The following PTGER4 variants were observed in gnomAD, a reference collection of about 807,000 sequenced individuals.
PTGER4 encodes prostaglandin E receptor 4, also known as prostaglandin E2 receptor EP4 subtype.
PTGER4 carries 11 observed loss-of-function variants against 33.2 expected under a neutral mutation model. The ratio of observed to expected loss-of-function variants is 0.33; its 90% CI spans 0.21 to 0.55. The LOEUF is 0.55. Ranked by LOEUF, PTGER4 falls within the 20% of genes least tolerant of loss-of-function variation. The pLI is 0.92. For synonymous variants in PTGER4, 275 were observed against 281.5 expected (o/e 0.98, Z 0.23); for missense variants, 481 against 650.2 (o/e 0.74, Z 2.83).
chr5:40,692,493 A>C lies in PTGER4; in HGVS notation c.*115A>C. 1 of 1,483,318 alleles carries C rather than the reference A, an allele frequency of 6.7e-7. No homozygotes were observed. The highest frequency in any genetic ancestry group is 8.9e-7 in the Non-Finnish European group (1 of 1,124,894). 91.9% of individuals were successfully genotyped at this position (1,483,318 alleles called of 1,614,324 possible). A position where few individuals can be genotyped will look rare whatever the true frequency, so the allele number is the denominator to read the frequency against. The stretch of plus-strand genomic sequence containing the variant: ...AAGGGCTATCATCATCCTACAACTC[A>C]CATTAGAGAACATCCTGGCTTTTGA... On this transcript the variant is annotated 3_prime_UTR_variant, in exon 3 of 3. Coordinates refer to ENST00000302472, the MANE Select transcript of PTGER4 (RefSeq NM_000958.3).
At chr5:40,722,717 C>G in the PTGER4 span, among the ~76,000 whole-genome samples, 38 of 151,648 alleles carry the variant, frequency 2.5e-4, no homozygotes, top group Non-Finnish European at 4.9e-4. Context: ...CGGCCAGCGC[C>G]CCGTCCGGGA....
the PTGER4 span, among the ~76,000 whole-genome samples, chr5:40,733,392 C>A: frequency 6.6e-6 from 1 of 152,064 alleles, no homozygotes; most frequent in Non-Finnish European, 1.5e-5. Flanking sequence ...CCAAAATAAG[C>A]CATAAACAAT....
At chr5:40,700,471 C>T in the PTGER4 span, among the ~76,000 whole-genome samples, 26 of 152,334 alleles carry the variant, frequency 1.7e-4, no homozygotes, top group African/African-American at 4.1e-4. Flanking sequence ...CAAGTGCAGT[C>T]GACCCAAGGA....
chr5:40,723,114 C>T, the PTGER4 span, among the ~76,000 whole-genome samples: 1 of 152,186 alleles, frequency 6.6e-6, no homozygotes, highest in Non-Finnish European at 1.5e-5. Context: ...CCTTGGGATG[C>T]TGTTAATCTA....
Position 40,681,979 on chromosome 5 carries a change from G to A in PTGER4, c.867+119G>A. 7.8e-7 allele frequency: 1 copy of A among 1,284,866 alleles called. No homozygotes were observed. The highest frequency in any genetic ancestry group is 1.0e-6 in the Non-Finnish European group (1 of 968,022). The allele number at this position is 1,284,866 out of a possible 1,614,324, so 79.6% of individuals were successfully genotyped here. ...GCAGTGAACGTGTCGCCTTTAGGTCGGGGCTGGGATTCCCACACTGTTTCT... is the reference window on the plus strand; with the variant it reads ...GCAGTGAACGTGTCGCCTTTAGGTCAGGGCTGGGATTCCCACACTGTTTCT... On this transcript the variant is annotated intron_variant, in intron 2 of 2. Transcript: ENST00000302472. This position sits in a 1 kb window ranked among gnomAD's most constrained non-coding sequence, Gnocchi z 9.8.
downstream of PTGER4, among the ~76,000 whole-genome samples, chr5:40,696,444 T>C (rs1357957755): frequency 7.2e-5 from 11 of 152,100 alleles, no homozygotes; most frequent in African/African-American, 2.7e-4. Flanking sequence ...ACATGAGAAA[T>C]AGAACCCAAA....
At chr5:40,742,078 T>C in the PTGER4 span, among the ~76,000 whole-genome samples, 3 of 152,196 alleles carry the variant, frequency 2.0e-5, no homozygotes, top group Non-Finnish European at 4.4e-5. Context: ...CTATGCTGAC[T>C]ACTGTCCAAT....
the PTGER4 span, chr5:40,728,225 C>T: frequency 9.2e-6 from 7 of 764,602 alleles, no homozygotes; most frequent in East Asian, 6.6e-5. Context: ...CGGAGGTTGC[C>T]GTGAGCTGAG....
chr5:40,699,210 G>A, the PTGER4 span, among the ~76,000 whole-genome samples: 3 of 151,342 alleles, frequency 2.0e-5, no homozygotes, highest in Admixed American at 1.3e-4. Flanking sequence ...AAAAAAAGAG[G>A]AATGGGAAGT....
chr5:40,728,469 A>C, the PTGER4 span: 3 of 1,605,710 alleles, frequency 1.9e-6, no homozygotes, highest in Non-Finnish European at 2.5e-6. Context: ...ATGAAGAGAC[A>C]TTAGCACCTA....
the PTGER4 span, among the ~76,000 whole-genome samples, chr5:40,718,701 G>A: frequency 6.6e-6 from 1 of 151,778 alleles, no homozygotes. Context: ...TTGCACCACC[G>A]CACTTCAGCC....
the PTGER4 span, among the ~76,000 whole-genome samples, chr5:40,732,092 G>A: frequency 6.6e-6 from 1 of 152,162 alleles, no homozygotes; most frequent in Non-Finnish European, 1.5e-5. Context: ...GCTCATTGCA[G>A]CCTTGAACTC....
chr5:40,733,754 C>A, the PTGER4 span, among the ~76,000 whole-genome samples: 2 of 152,158 alleles, frequency 1.3e-5, no homozygotes, highest in Admixed American at 6.5e-5. Context: ...GATGGCTTAT[C>A]CCGTCCCCAA....
At chr5:40,684,122 CCA>C (rs1223983113) in intron 2 of PTGER4, among the ~76,000 whole-genome samples, 1,055 of 45,396 alleles carry the variant, frequency 0.023, 31 homozygotes, top group African/African-American at 0.083. Context: ...TGCCACCCAC[CCA>C]CCCCCCCCCC....
chr5:40,745,071 T>C, the PTGER4 span, among the ~76,000 whole-genome samples: 1 of 151,800 alleles, frequency 6.6e-6, no homozygotes, highest in East Asian at 1.9e-4. Flanking sequence ...AAATAGAAAA[T>C]TGGTCTGGAC....
chr5:40,707,916 T>C, the PTGER4 span, among the ~76,000 whole-genome samples: 2 of 152,160 alleles, frequency 1.3e-5, no homozygotes, highest in African/African-American at 2.4e-5. Context: ...CCAAACAACC[T>C]GCTCCTGAAT....
intron 2 of PTGER4, among the ~76,000 whole-genome samples, chr5:40,690,242 C>T (rs971930514): frequency 5.3e-5 from 8 of 152,228 alleles, no homozygotes; most frequent in African/African-American, 1.4e-4. Context: ...CAGGAGGCTA[C>T]AGCAGGAGGA....
rs1470792647 is a variant in PTGER4, at chr5:40,683,096, G to A, written c.867+1236G>A. ...CCATCTTCCAAAACACTGCATTCCT[G>A]GAAATTCTAAACTACCAACTCAAAA... On this transcript the variant is annotated intron_variant, in intron 2 of 2. Transcript: ENST00000302472. This position sits in a 1 kb window ranked among gnomAD's most constrained non-coding sequence, Gnocchi z 4.2. Among the ~76,000 whole-genome samples, 2 of 152,086 alleles carry A rather than the reference G, an allele frequency of 1.3e-5. No individual in the cohort carries two copies. Among genetic ancestry groups the A allele is most frequent in the Non-Finnish European group, 2.9e-5 (2 of 68,016 alleles).
chr5:40,681,680 C>A lies in PTGER4; in HGVS notation c.687C>A (p.His229Gln), dbSNP rs756768706. 1 of 1,569,558 alleles carries A rather than the reference C, an allele frequency of 6.4e-7. No individual in the cohort carries two copies. Among genetic ancestry groups the A allele is most frequent in the Admixed American group, 1.8e-5 (1 of 54,416 alleles). Residue 229 changes from histidine (H) to glutamine (Q), a missense_variant, in exon 2 of 3, where the codon CAC becomes CAA. Physicochemically the swap from His to Gln is conservative, Grantham distance 24. Coordinates refer to ENST00000302472, the MANE Select transcript of PTGER4 (RefSeq NM_000958.3). This position sits in a 1 kb window ranked among gnomAD's most constrained non-coding sequence, Gnocchi z 9.8. Reference protein sequence around the residue: ...RRTSLGTEQHHAAAAASVASR... With the variant: ...RRTSLGTEQHQAAAAASVASR... ...CCTCGCTGGGCACCGAGCAGCACCA[C>A]GCGGCCGCGGCCGCCTCGGTTGCCT...
Sources: gnomAD v4.1 joint callset for allele counts (sites outside exome capture counted in the v4.1 genomes callset) on GRCh38, gnomAD v4.1.1 for gene constraint, Gnocchi (gnomAD v3.1) non-coding constraint, MANE v1.5 for transcripts, NCBI Gene and HGNC (gene_info 2026-07-23, HGNC 2026-07-21) for gene names.